Variants in ADGRG2 observed in about 807,000 individuals in gnomAD.
ADGRG2 encodes the protein G protein-coupled receptor 64.
A neutral mutation model predicts 74.1 loss-of-function variants in ADGRG2; 26 were observed. The ratio of observed to expected loss-of-function variants is 0.35; its 90% CI spans 0.26 to 0.49. ADGRG2 has a LOEUF of 0.49. Ranked by LOEUF, ADGRG2 falls within the 20% of genes least tolerant of loss-of-function variation. The pLI is 0.99. For synonymous variants in ADGRG2, 296 were observed against 295.2 expected, an observed-to-expected ratio of 1.00 and a Z score of -0.03; for missense variants, 619 against 763.1, an observed-to-expected ratio of 0.81 and a Z score of 2.22.
At chrX:19,107,637 GTTT>G (rs74586432) in intron 1 of ADGRG2, among the ~76,000 whole-genome samples, 1 of 48,036 alleles carries the variant, frequency 2.1e-5, no homozygotes, top group Non-Finnish European at 3.7e-5. Context: ...TTTGTTTTTT[GTTT>G]TTTTTTTTTT....
rs182704490 is a variant in ADGRG2 at position 19,051,769 on chromosome X, C to A, written c.119-11545G>T. ...CCTAGTCCTCAGCTTCCACTGAGCT[C>A]CCAGCCAACAGCCAGCAATAACTTG... is the stretch of plus-strand genomic sequence containing the variant. On this transcript the variant is annotated intron_variant, in intron 3 of 28. Transcript: ENST00000379869. Among the ~76,000 whole-genome samples, 788 of 111,422 alleles carry A rather than the reference C, an allele frequency of 7.1e-3. 6 individuals are homozygous for A. Among genetic ancestry groups the A allele is most frequent in the African/African-American group, 0.024 (751 of 30,663 alleles).
intron 1 of ADGRG2, among the ~76,000 whole-genome samples, chrX:19,116,506 C>CAAAAAAAAAAAAAAAAAAAAAAAAAAA (rs10677696): frequency 4.2e-5 from 1 of 24,024 alleles, no homozygotes. Flanking sequence ...GATTCCGTCT[C>CAAAAAAAAAAAAAAAAAAAAAAAAAAA]AAAAAAAAAA....
At position 19,055,258 on chromosome X, in the gene ADGRG2, GTGTGTGTGTGTGTA is replaced by G. The variant is rs2061390819; in HGVS notation, c.118+13445_118+13458del. 4.5e-5 allele frequency among the ~76,000 whole-genome samples: 5 copies of G among 111,173 alleles called. No homozygotes were observed. In the South Asian group the frequency reaches 1.5e-3, roughly 33 times the overall value. ...AATCCCTTTGTGTGTGTGTGTGTGTGTGTGTGTGTGTGTATGTGTGTGTGTGTGCGCGCGCACGC... is the reference window on the plus strand; with the variant it reads ...AATCCCTTTGTGTGTGTGTGTGTGTGTGTGTGTGTGTGTGCGCGCGCACGC... On this transcript the variant is annotated intron_variant, in intron 3 of 28. Coordinates refer to ENST00000379869, the MANE Select transcript of ADGRG2 (RefSeq NM_001079858.3).
intron 15 of ADGRG2, among the ~76,000 whole-genome samples, chrX:19,016,888 G>A (rs976144355): frequency 9.2e-6 from 1 of 108,837 alleles, no homozygotes; most frequent in Admixed American, 1.0e-4. Context: ...CACCCTGCCC[G>A]GCTAATTTTT....
chrX:19,073,393 C>T (rs1357086019), intron 2 of ADGRG2, among the ~76,000 whole-genome samples: 2 of 111,293 alleles, frequency 1.8e-5, no homozygotes, highest in Admixed American at 9.6e-5. Flanking sequence ...AACAGTGAAA[C>T]GTAGACCTTG....
chrX:19,104,546 T>C (rs1213953155), intron 1 of ADGRG2, among the ~76,000 whole-genome samples: 1 of 111,880 alleles, frequency 8.9e-6, no homozygotes, highest in African/African-American at 3.2e-5. Flanking sequence ...CCTTTTTTTA[T>C]AATAGGATTT....
chrX:19,024,042 G>C (rs765752086), intron 11 of ADGRG2, 94 bp from the exon 12 acceptor site: 2 of 591,713 alleles, frequency 3.4e-6, no homozygotes, highest in African/African-American at 4.5e-5. Context: ...CAAGCACATG[G>C]TATACATTGC....
intron 1 of ADGRG2, among the ~76,000 whole-genome samples, chrX:19,117,844 T>C (rs1200986303): frequency 2.7e-5 from 3 of 110,036 alleles, no homozygotes; most frequent in African/African-American, 9.9e-5. Context: ...ATGAATTGAC[T>C]TAATGCTACA....
At chrX:19,025,646 A>G (rs2060685289) in intron 11 of ADGRG2, among the ~76,000 whole-genome samples, 1 of 111,498 alleles carries the variant, frequency 9.0e-6, no homozygotes, top group African/African-American at 3.3e-5. Context: ...CTATAATCCT[A>G]GCACTTTGAG....
intron 3 of ADGRG2, among the ~76,000 whole-genome samples, chrX:19,060,395 C>T (rs192801455): frequency 9.0e-6 from 1 of 111,203 alleles, no homozygotes; most frequent in East Asian, 2.8e-4. Flanking sequence ...GGACTTTGAA[C>T]AGGAGAACAG....
intron 3 of ADGRG2, among the ~76,000 whole-genome samples, chrX:19,043,001 A>G (rs1601970642): frequency 9.1e-6 from 1 of 109,603 alleles, no homozygotes; most frequent in African/African-American, 3.3e-5. Context: ...AAAAAAAAAA[A>G]GTAGATGAGG....
intron 1 of ADGRG2, among the ~76,000 whole-genome samples, chrX:19,110,180 C>T (rs920554854): frequency 5.4e-5 from 6 of 111,637 alleles, no homozygotes; most frequent in Non-Finnish European, 1.1e-4. Flanking sequence ...GTGGACCCTG[C>T]TCACATTCTA....
intron 1 of ADGRG2, among the ~76,000 whole-genome samples, chrX:19,089,968 C>T (rs1234080920): frequency 2.7e-5 from 3 of 112,242 alleles, no homozygotes; most frequent in African/African-American, 9.7e-5. Flanking sequence ...TTCTTTCTTC[C>T]CTTCCTCTTT....
intron 14 of ADGRG2, among the ~76,000 whole-genome samples, chrX:19,020,825 G>A (rs958094419): frequency 9.1e-6 from 1 of 109,683 alleles, no homozygotes; most frequent in Non-Finnish European, 1.9e-5. Flanking sequence ...AGCTGGGTGT[G>A]GTGGTGCATG....
At chrX:19,004,043 A>T (rs1436024333) in intron 23 of ADGRG2, among the ~76,000 whole-genome samples, 1 of 112,492 alleles carries the variant, frequency 8.9e-6, no homozygotes, top group Non-Finnish European at 1.9e-5. Context: ...GAAGATCCGT[A>T]GTCACAGCTA....
intron 3 of ADGRG2, among the ~76,000 whole-genome samples, chrX:19,058,684 TAGGTCACACTGG>T (rs761835249): frequency 1.5e-3 from 163 of 112,404 alleles, no homozygotes; most frequent in African/African-American, 4.9e-3. Flanking sequence ...CAAAAGGGTA[TAGGTCACACTGG>T]ACACGGATGT....
At chrX:19,038,777 G>C (rs980989383) in intron 4 of ADGRG2, among the ~76,000 whole-genome samples, 1 of 111,869 alleles carries the variant, frequency 8.9e-6, no homozygotes, top group African/African-American at 3.2e-5. Flanking sequence ...ACTAGACCCA[G>C]TGTGTCCCCC....
At chrX:19,098,971 G>A (rs185010558) in intron 1 of ADGRG2, among the ~76,000 whole-genome samples, 105 of 112,257 alleles carry the variant, frequency 9.4e-4, no homozygotes, top group Admixed American at 2.0e-3. Flanking sequence ...GATCACTTGA[G>A]GTCAGGAGTT....
chrX:19,100,928 T>G (rs2062176987), intron 1 of ADGRG2, among the ~76,000 whole-genome samples: 1 of 113,197 alleles, frequency 8.8e-6, no homozygotes, highest in African/African-American at 3.2e-5. Flanking sequence ...GGGCAAAGGG[T>G]AAAAGGATTA....
Sources: gnomAD v4.1 joint callset for allele counts (sites outside exome capture counted in the v4.1 genomes callset) on GRCh38, gnomAD v4.1.1 for gene constraint, MANE v1.5 for transcripts, NCBI Gene and HGNC (gene_info 2026-07-23, HGNC 2026-07-21) for gene names.